Variants in IL1RL1 observed in about 807,000 individuals in gnomAD.
IL1RL1 encodes the protein interleukin 1 receptor like 1.
In IL1RL1, 32 loss-of-function variants were observed where a neutral mutation model predicts 50.9. That is an observed-to-expected ratio of 0.63 (90% CI 0.47 to 0.84). The LOEUF (loss-of-function observed/expected upper bound fraction) is 0.84. IL1RL1 is among the 40% of genes least tolerant of loss of function. The pLI is 0.00. For missense variants in IL1RL1, 773 were observed against 662.9 expected (o/e 1.17, Z -1.82); for synonymous variants, 275 against 236.0 (o/e 1.17, Z -1.51).
intron 1 of IL1RL1, among the ~76,000 whole-genome samples, chr2:102,333,498 C>A (rs1025998828): frequency 1.3e-5 from 2 of 152,110 alleles, no homozygotes; most frequent in African/African-American, 4.8e-5. Flanking sequence ...GCAAGGGAGG[C>A]AAGGAGGCTG....
intron 1 of IL1RL1, among the ~76,000 whole-genome samples, chr2:102,311,973 T>TATATTATATA (rs1676510189): frequency 6.5e-5 from 1 of 15,432 alleles, no homozygotes; most frequent in African/African-American, 3.9e-4. Flanking sequence ...TATATAATAT[T>TATATTATATA]ATATATAATA....
At chr2:102,329,011 A>G (rs1677096006) in intron 1 of IL1RL1, among the ~76,000 whole-genome samples, 1 of 152,202 alleles carries the variant, frequency 6.6e-6, no homozygotes, top group African/African-American at 2.4e-5. Flanking sequence ...ACAGAACCAA[A>G]AAAGAGCCCA....
At chr2:102,349,274 A>G (rs747340909) in intron 10 of IL1RL1, 28 bp downstream of exon 10, 1 of 1,596,360 alleles carries the variant, frequency 6.3e-7, no homozygotes, top group African/African-American at 1.3e-5. Context: ...CATTAGGGAC[A>G]GAAATTCATG....
intron 1 of IL1RL1, among the ~76,000 whole-genome samples, chr2:102,313,750 G>T (rs1418043721): frequency 6.6e-6 from 1 of 152,228 alleles, no homozygotes; most frequent in Non-Finnish European, 1.5e-5. Context: ...AATGCAGTCT[G>T]GTTGGGAGGA....
intron 1 of IL1RL1, among the ~76,000 whole-genome samples, chr2:102,324,792 C>T (rs62151719): frequency 0.12 from 18,878 of 152,162 alleles, 1,462 homozygotes; most frequent in African/African-American, 0.2. Context: ...AAGTTGGCAG[C>T]GAGGCTGTGG....
chr2:102,341,267 C>T (rs1468415738), intron 5 of IL1RL1: 1 of 1,250,894 alleles, frequency 8.0e-7, no homozygotes, highest in South Asian at 1.4e-5. Flanking sequence ...TAATGAGAGG[C>T]TTTGTGATGG....
intron 5 of IL1RL1, among the ~76,000 whole-genome samples, chr2:102,341,519 C>T (rs962949444): frequency 6.6e-5 from 10 of 152,112 alleles, no homozygotes; most frequent in Non-Finnish European, 1.2e-4. Context: ...AGCCCCTTTA[C>T]GTATGACAGT....
At chr2:102,344,052 G>A (rs112204660) in intron 8 of IL1RL1, 2 of 327,058 alleles carry the variant, frequency 6.1e-6, no homozygotes, top group Non-Finnish European at 8.8e-6. Context: ...GGGAAGCATG[G>A]CGGCATCTGC....
At chr2:102,344,839 C>T (rs1677722065) in intron 8 of IL1RL1, 2 of 952,520 alleles carry the variant, frequency 2.1e-6, no homozygotes, top group Non-Finnish European at 1.2e-6. Flanking sequence ...TAACTTTCCT[C>T]ATCATTTGGA....
At chr2:102,344,898 G>T in intron 8 of IL1RL1, 1 of 971,234 alleles carries the variant, frequency 1.0e-6, no homozygotes, top group South Asian at 4.8e-5. Flanking sequence ...AATCTAGCAG[G>T]ATTTTAATGA....
In IL1RL1 at chr2:102,343,058, C is replaced by T; in HGVS notation, c.705C>T (p.Cys235=). Residue 235 remains cysteine (C), a synonymous_variant, in exon 7 of 11, where the codon TGC becomes TGT. Transcript: ENST00000233954. ...VEIGKNANLT[C]SACFGKGTQF... ...TAGGAAAAAACGCAAACCTAACTTGCTCTGCTTGTTTTGGAAAAGGCACTC... is the reference window on the plus strand; with the variant it reads ...TAGGAAAAAACGCAAACCTAACTTGTTCTGCTTGTTTTGGAAAAGGCACTC... The T allele has an allele frequency of 5.6e-6, 9 of 1,614,080 alleles. No individual in the cohort carries two copies. The highest frequency in any genetic ancestry group is 7.6e-6 in the Non-Finnish European group (9 of 1,180,002).
intron 6 of IL1RL1, among the ~76,000 whole-genome samples, chr2:102,342,497 G>A (rs1183975512): frequency 6.6e-6 from 1 of 152,062 alleles, no homozygotes; most frequent in Non-Finnish European, 1.5e-5. Flanking sequence ...GTTTACATTT[G>A]TTTATTGTAC....
rs1214160476 is a variant in IL1RL1, at chr2:102,345,527, T to A, written c.970+2112T>A. On this transcript the variant is annotated intron_variant, in intron 8 of 10. Transcript: ENST00000233954. ...TTCCCACCCATGTGTGTGGTATGGT[T>A]AGGATTCATCCAGATACACAGAGAG... 4 of 985,282 alleles carry A rather than the reference T, an allele frequency of 4.1e-6. No homozygotes were observed. The Admixed American group carries it at 2.5e-4, about 61-fold the overall frequency. 61.0% of individuals were successfully genotyped at this position (985,282 alleles called of 1,614,324 possible).
chr2:102,340,757 C>A lies in IL1RL1; in HGVS notation c.539C>A (p.Thr180Asn), dbSNP rs141101455. 1 of 1,596,288 alleles carries A rather than the reference C, an allele frequency of 6.3e-7. No homozygotes were observed. The change falls in exon 5 of 11, where the codon ACC becomes AAC. Residue 180 changes from threonine to asparagine, a missense_variant. Coordinates refer to ENST00000233954, the MANE Select transcript of IL1RL1 (RefSeq NM_016232.5). Reference protein sequence around the residue: ...NVMTEDAGDYTCKFIHNENGA... With the variant: ...NVMTEDAGDYNCKFIHNENGA... Reference sequence around the variant, plus strand: ...ATGACTGAGGACGCAGGTGATTACACCTGTAAATTTATACACAATGAAAAT... The same window carrying A: ...ATGACTGAGGACGCAGGTGATTACAACTGTAAATTTATACACAATGAAAAT...
At chr2:102,316,310 A>C (rs1676672520) in intron 1 of IL1RL1, among the ~76,000 whole-genome samples, 1 of 152,188 alleles carries the variant, frequency 6.6e-6, no homozygotes, top group Non-Finnish European at 1.5e-5. Flanking sequence ...CTTTCCATAA[A>C]CCACATTCTG....
intron 1 of IL1RL1, among the ~76,000 whole-genome samples, chr2:102,316,658 C>T (rs1490639656): frequency 6.6e-6 from 1 of 152,096 alleles, no homozygotes; most frequent in South Asian, 2.1e-4. Context: ...GGAGATTTAT[C>T]TAAAATTATG....
At chr2:102,334,392 A>T (rs1173407183) in intron 1 of IL1RL1, among the ~76,000 whole-genome samples, 1 of 152,144 alleles carries the variant, frequency 6.6e-6, no homozygotes, top group Non-Finnish European at 1.5e-5. Context: ...GAAGGATCCC[A>T]GAGACAAGCA....
chr2:102,342,204 A>G lies in IL1RL1; in HGVS notation c.611-19A>G, dbSNP rs1677594609. 2 of 1,558,746 alleles carry G rather than the reference A, an allele frequency of 1.3e-6. No homozygotes were observed. Among genetic ancestry groups the G allele is most frequent in the African/African-American group, 2.7e-5 (2 of 73,678 alleles). ...CATTCAATGCTCTCCTAATATTTAT[A>G]TTTCTTTTTGTCTTTAAGATGAGCA... On this transcript the variant is annotated intron_variant, in intron 5 of 10. Transcript: ENST00000233954.
In IL1RL1 at chr2:102,343,044, G is replaced by T. The variant is rs75779188; in HGVS notation, c.691G>T (p.Ala231Ser). ...EIKEVEIGKN[A>S]NLTCSACFGK... Reference sequence around the variant, plus strand: ...TCCTTACTCCCCTCTAGGAAAAAACGCAAACCTAACTTGCTCTGCTTGTTT... The same window carrying T: ...TCCTTACTCCCCTCTAGGAAAAAACTCAAACCTAACTTGCTCTGCTTGTTT... Residue 231 changes from alanine (A) to serine (S), a missense_variant, in exon 7 of 11, where the codon GCA (alanine) becomes TCA (serine). Transcript: ENST00000233954. The T allele has an allele frequency of 6.2e-7, 1 of 1,613,766 alleles. No homozygotes were observed. The highest frequency in any genetic ancestry group is 1.1e-5 in the South Asian group (1 of 91,008).
Sources: allele counts gnomAD v4.1 joint callset (sites outside exome capture counted in the v4.1 genomes callset), GRCh38; gene constraint gnomAD v4.1.1; transcripts MANE v1.5; gene names NCBI Gene and HGNC (gene_info 2026-07-23, HGNC 2026-07-21).